FAM168A: variants seen among roughly 807,000 people sequenced by gnomAD.
FAM168A encodes family with sequence similarity 168 member A.
A neutral mutation model predicts 28.5 loss-of-function variants in FAM168A; 3 were observed. That is an observed-to-expected ratio of 0.11 (90% CI 0.05 to 0.27). FAM168A has a LOEUF of 0.27. FAM168A is among the 10% of genes least tolerant of loss of function. FAM168A has a pLI of 1.00. For missense variants in FAM168A, 222 were observed against 311.5 expected (o/e 0.71, Z 2.16); for synonymous variants, 122 against 124.2 (o/e 0.98, Z 0.12).
In FAM168A at chr11:73,548,522, A is replaced by C. The variant is rs184403959; in HGVS notation, c.-19+49401T>G. Among the ~76,000 whole-genome samples the C allele has an allele frequency of 1.2e-3, 177 of 152,350 alleles. 1 individual carries two copies. Among genetic ancestry groups the C allele is most frequent in the African/African-American group, 4.1e-3 (169 of 41,578 alleles). On this transcript the variant is annotated intron_variant, in intron 1 of 7. Coordinates refer to ENST00000356467, the MANE Select transcript of FAM168A (RefSeq NM_015159.3). Reference sequence around the variant, plus strand: ...TAAGCTGCATATGTGACAACCAGTTATATCTACTCATTTTTGAAGACTCAT... The same window carrying C: ...TAAGCTGCATATGTGACAACCAGTTCTATCTACTCATTTTTGAAGACTCAT...
intron 1 of FAM168A, among the ~76,000 whole-genome samples, chr11:73,522,617 T>G (rs1364393969): frequency 6.6e-6 from 1 of 151,562 alleles, no homozygotes; most frequent in Non-Finnish European, 1.5e-5. Flanking sequence ...ATTACAGGTG[T>G]GAGCCACCAC....
At chr11:73,544,914 AT>A in intron 1 of FAM168A, among the ~76,000 whole-genome samples, 1 of 93,362 alleles carries the variant, frequency 1.1e-5, no homozygotes, top group Non-Finnish European at 1.9e-5. Flanking sequence ...TATAATATAT[AT>A]TATATATAAT....
intron 2 of FAM168A, among the ~76,000 whole-genome samples, chr11:73,457,703 C>T (rs11235765): frequency 0.16 from 18,050 of 113,830 alleles, 1,587 homozygotes; most frequent in South Asian, 0.33. Flanking sequence ...GATTGTGCTA[C>T]GGTACTCTAG....
intron 2 of FAM168A, among the ~76,000 whole-genome samples, chr11:73,435,485 T>C (rs1867070771): frequency 6.6e-6 from 1 of 152,256 alleles, no homozygotes; most frequent in Non-Finnish European, 1.5e-5. Flanking sequence ...AGATATTATA[T>C]AATGGCAGCA....
In FAM168A at chr11:73,549,593, C is replaced by A. The variant is rs80289287; in HGVS notation, c.-19+48330G>T. On this transcript the variant is annotated intron_variant, in intron 1 of 7. Transcript: ENST00000356467. The stretch of plus-strand genomic sequence containing the variant: ...ACAAACAGTCTAGCAGGCAGTCTGG[C>A]AGGAGCTATGCCTAACTCATTTCTG... Among the ~76,000 whole-genome samples, 61 of 152,272 alleles carry A rather than the reference C, an allele frequency of 4.0e-4. 1 individual carries two copies. The highest frequency in any genetic ancestry group is 1.4e-3 in the African/African-American group (60 of 41,554).
chr11:73,537,013 A>G (rs1160892534), intron 1 of FAM168A, among the ~76,000 whole-genome samples: 1 of 152,232 alleles, frequency 6.6e-6, no homozygotes, highest in Admixed American at 6.5e-5. Flanking sequence ...GAGGTCTCTC[A>G]TGCCATAGCA....
chr11:73,542,252 T>A (rs115103760), intron 1 of FAM168A, among the ~76,000 whole-genome samples: 1,540 of 152,358 alleles, frequency 0.01, 27 homozygotes, highest in African/African-American at 0.036. Flanking sequence ...CCTGAGATCT[T>A]TTGGTTATCT....
chr11:73,417,577 TGA>T (rs1866716684), intron 4 of FAM168A, among the ~76,000 whole-genome samples: 1 of 134,548 alleles, frequency 7.4e-6, no homozygotes, highest in Admixed American at 7.1e-5. Flanking sequence ...TTTTTTTTTT[TGA>T]GACGGAGTCT....
At chr11:73,468,962 C>T (rs193103385) in intron 1 of FAM168A, among the ~76,000 whole-genome samples, 2 of 152,266 alleles carry the variant, frequency 1.3e-5, no homozygotes, top group Admixed American at 6.5e-5. Flanking sequence ...TGTCTGGTGA[C>T]GAGCAAACAG....
At chr11:73,510,388 T>C (rs951778112) in intron 1 of FAM168A, among the ~76,000 whole-genome samples, 1 of 152,182 alleles carries the variant, frequency 6.6e-6, no homozygotes, top group African/African-American at 2.4e-5. Flanking sequence ...TAGAGCCTCG[T>C]AGGGAGAAAA....
intron 1 of FAM168A, among the ~76,000 whole-genome samples, chr11:73,537,676 G>A (rs1658542069): frequency 6.6e-6 from 1 of 152,136 alleles, no homozygotes; most frequent in African/African-American, 2.4e-5. Context: ...GAAATCAGCA[G>A]CTCAAGGCCT....
intron 1 of FAM168A, among the ~76,000 whole-genome samples, chr11:73,492,665 T>TTTAATGATTAATTATATATATATGA (rs1395160308): frequency 1.3e-3 from 195 of 152,158 alleles, no homozygotes; most frequent in Non-Finnish European, 2.2e-3. Flanking sequence ...ATAAACCATA[T>TTTAATGATTAATTATATATATATGA]TTAATGATAC....
intron 1 of FAM168A, among the ~76,000 whole-genome samples, chr11:73,572,051 C>T (rs1296355556): frequency 2.6e-5 from 4 of 151,368 alleles, no homozygotes; most frequent in Non-Finnish European, 5.9e-5. Context: ...AGCCCCTCCG[C>T]CCGGCAGCCA....
chr11:73,544,859 T>A (rs1347818027), intron 1 of FAM168A, among the ~76,000 whole-genome samples: 1 of 96,606 alleles, frequency 1.0e-5, no homozygotes, highest in Non-Finnish European at 1.8e-5. Context: ...ATATAATATA[T>A]AATATATAAT....
rs1205301253 is a variant in FAM168A, at chr11:73,403,544, A to G, written c.*3219T>C. The G allele has an allele frequency of 6.6e-6, 1 of 152,166 alleles. No homozygotes were observed. The highest frequency in any genetic ancestry group is 1.5e-5 in the Non-Finnish European group (1 of 68,068). The allele number at this position is 152,166 out of a possible 1,614,324, so 9.4% of individuals were successfully genotyped here. On this transcript the variant is annotated 3_prime_UTR_variant, in exon 8 of 8. Transcript: ENST00000356467. Reference sequence around the variant, plus strand: ...TGTCCTCTCTTGCTTGCCTGCCTTCAATGAGACGGCCCTTCCAGCTCTGAC... The same window carrying G: ...TGTCCTCTCTTGCTTGCCTGCCTTCGATGAGACGGCCCTTCCAGCTCTGAC...
At chr11:73,521,960 G>C (rs2134651937) in intron 1 of FAM168A, among the ~76,000 whole-genome samples, 1 of 152,244 alleles carries the variant, frequency 6.6e-6, no homozygotes, top group South Asian at 2.1e-4. Flanking sequence ...AAGGTGTTAA[G>C]GAGGGAATTC....
chr11:73,506,898 C>T (rs190905220), intron 1 of FAM168A, among the ~76,000 whole-genome samples: 196 of 152,268 alleles, frequency 1.3e-3, no homozygotes, highest in Non-Finnish European at 2.3e-3. Context: ...GCTTTCCCCA[C>T]TCACATATAT....
chr11:73,498,277 T>G (rs1173799375), intron 1 of FAM168A, among the ~76,000 whole-genome samples: 2 of 152,070 alleles, frequency 1.3e-5, no homozygotes, highest in Non-Finnish European at 2.9e-5. Flanking sequence ...GGAAGAGCAG[T>G]GCGGTACAGC....
At chr11:73,557,787 C>A (rs1234296426) in intron 1 of FAM168A, among the ~76,000 whole-genome samples, 2 of 152,062 alleles carry the variant, frequency 1.3e-5, no homozygotes, top group African/African-American at 4.8e-5. Context: ...CTATGGTAAT[C>A]GATACAGCAT....
Sources: gnomAD v4.1 joint callset for allele counts (sites outside exome capture counted in the v4.1 genomes callset) on GRCh38, gnomAD v4.1.1 for gene constraint, MANE v1.5 for transcripts, NCBI Gene and HGNC (gene_info 2026-07-23, HGNC 2026-07-21) for gene names.